Variants in VEGFC observed in about 807,000 individuals in gnomAD.
VEGFC encodes the protein vascular endothelial growth factor C.
In VEGFC, 12 loss-of-function variants were observed where a neutral mutation model predicts 46.1. That is an observed-to-expected ratio of 0.26 (90% CI 0.17 to 0.42). The LOEUF is 0.42. Ranked by LOEUF, VEGFC falls within the 10% of genes least tolerant of loss-of-function variation. The pLI is 1.00. For missense variants in VEGFC, 488 were observed against 529.4 expected (o/e 0.92, Z 0.77); for synonymous variants, 232 against 195.5 (o/e 1.19, Z -1.56).
At chr4:176,772,539 G>A (rs1344779396) in intron 1 of VEGFC, among the ~76,000 whole-genome samples, 3 of 152,332 alleles carry the variant, frequency 2.0e-5, no homozygotes, top group Non-Finnish European at 4.4e-5. Flanking sequence ...ATGACGCAAT[G>A]TCACAAATGT....
intron 1 of VEGFC, among the ~76,000 whole-genome samples, chr4:176,745,402 G>A (rs1408650610): frequency 6.6e-5 from 10 of 151,358 alleles, no homozygotes; most frequent in African/African-American, 9.7e-5. Flanking sequence ...ATTCAACAGC[G>A]CACACTGTGC....
chr4:176,778,215 T>A (rs985960197), intron 1 of VEGFC, among the ~76,000 whole-genome samples: 1 of 152,158 alleles, frequency 6.6e-6, no homozygotes, highest in Non-Finnish European at 1.5e-5. Context: ...ACAATACGAC[T>A]TCACTTGCTG....
chr4:176,775,265 T>G (rs1390463472), intron 1 of VEGFC, among the ~76,000 whole-genome samples: 1 of 152,136 alleles, frequency 6.6e-6, no homozygotes, highest in Non-Finnish European at 1.5e-5. Context: ...AAAAAAAAAG[T>G]AATGAAAGAG....
intron 3 of VEGFC, among the ~76,000 whole-genome samples, chr4:176,716,604 A>G (rs1324595812): frequency 6.7e-6 from 1 of 149,842 alleles, no homozygotes; most frequent in Non-Finnish European, 1.5e-5. Flanking sequence ...AAAAAAAAAA[A>G]AAGAAAAAGA....
intron 3 of VEGFC, among the ~76,000 whole-genome samples, chr4:176,714,296 C>T (rs996834712): frequency 6.6e-6 from 1 of 151,996 alleles, no homozygotes; most frequent in African/African-American, 2.4e-5. Context: ...AGTCTGAGAC[C>T]TCTCCCTTCC....
intron 1 of VEGFC, among the ~76,000 whole-genome samples, chr4:176,745,894 G>A (rs985538973): frequency 6.6e-6 from 1 of 152,044 alleles, no homozygotes; most frequent in African/African-American, 2.4e-5. Flanking sequence ...TTACTGAGAG[G>A]ACAGAGCCAG....
Position 176,703,120 on chromosome 4 carries a change from T to C in VEGFC, c.704+8379A>G, listed in dbSNP as rs547953397. 7.2e-5 allele frequency among the ~76,000 whole-genome samples: 11 copies of C among 152,222 alleles called. No homozygotes were observed. In the South Asian group the frequency reaches 2.3e-3, roughly 32 times the overall value. ...AGAGTGAAGAATGATGACTGGGGAT[T>C]TGGGTTGTATCTTTAGTAAATACAA... On this transcript the variant is annotated intron_variant, in intron 4 of 6. Coordinates refer to ENST00000618562, the MANE Select transcript of VEGFC (RefSeq NM_005429.5).
rs1736112986 is a variant in VEGFC at position 176,792,328 on chromosome 4, GT to G, written c.-18del. The stretch of plus-strand genomic sequence containing the variant: ...CAAGTGCATGGTGGAAGGACCGGGG[GT>G]GGGGGACCGGTCCGCTGGCGGGGGC... On this transcript the variant is annotated 5_prime_UTR_variant, in exon 1 of 7. Transcript: ENST00000618562. The surrounding 1 kb of genome is among the most constrained non-coding windows in gnomAD (Gnocchi z 6.3). 6.8e-7 allele frequency: 1 copy of G among 1,476,242 alleles called. No individual in the cohort carries two copies. The highest frequency in any genetic ancestry group is 9.0e-7 in the Non-Finnish European group (1 of 1,116,372). 91.4% of individuals were successfully genotyped at this position (1,476,242 alleles called of 1,614,324 possible). A position where few individuals can be genotyped will look rare whatever the true frequency, so the allele number is the denominator to read the frequency against.
intron 3 of VEGFC, among the ~76,000 whole-genome samples, chr4:176,724,390 G>A (rs1734839416): frequency 6.6e-6 from 1 of 152,174 alleles, no homozygotes; most frequent in South Asian, 2.1e-4. Flanking sequence ...GGGATAAGTA[G>A]TGAACGGATC....
chr4:176,741,163 G>A (rs931157749), intron 1 of VEGFC, among the ~76,000 whole-genome samples: 7 of 151,816 alleles, frequency 4.6e-5, no homozygotes, highest in East Asian at 3.9e-4. Context: ...TTAGTAGATC[G>A]GAAAGTTATA....
rs1411609906 is a variant in VEGFC, at chr4:176,740,442, A to ATG, written c.148-10697_148-10696insCA. Among the ~76,000 whole-genome samples, 66 of 10,112 alleles carry ATG rather than the reference A, an allele frequency of 6.5e-3. 2 individuals are homozygous for ATG. Among genetic ancestry groups the ATG allele is most frequent in the Admixed American group, 0.011 (5 of 440 alleles). The allele number at this position is 10,112 out of a possible 152,430, so 6.6% of individuals were successfully genotyped here. The stretch of plus-strand genomic sequence containing the variant: ...CTATATATAGTTATATATATATTCT[A>ATG]TATAGAGTATATAGAGTATATATAA... On this transcript the variant is annotated intron_variant, in intron 1 of 6. Transcript: ENST00000618562.
chr4:176,694,967 C>T lies in VEGFC; in HGVS notation c.705-7040G>A, dbSNP rs1264782633. Reference sequence around the variant, plus strand: ...ACACAACATACCAGAATCTCTGGGACGCATTCAAAGCAGTGTGTAGAGGGA... The same window carrying T: ...ACACAACATACCAGAATCTCTGGGATGCATTCAAAGCAGTGTGTAGAGGGA... On this transcript the variant is annotated intron_variant, in intron 4 of 6. Coordinates refer to ENST00000618562, the MANE Select transcript of VEGFC (RefSeq NM_005429.5). Among the ~76,000 whole-genome samples, 174 of 139,270 alleles carry T rather than the reference C, an allele frequency of 1.2e-3. 1 individual carries two copies. The highest frequency in any genetic ancestry group is 4.6e-3 in the African/African-American group (157 of 34,138). 91.4% of individuals were successfully genotyped at this position (139,270 alleles called of 152,430 possible). A position where few individuals can be genotyped will look rare whatever the true frequency, so the allele number is the denominator to read the frequency against.
chr4:176,685,275 A>C (rs1734018455), intron 6 of VEGFC, among the ~76,000 whole-genome samples: 1 of 152,244 alleles, frequency 6.6e-6, no homozygotes, highest in South Asian at 2.1e-4. Context: ...TCTACTAAAA[A>C]GGGATATGAT....
chr4:176,705,675 G>C (rs1734521785), intron 4 of VEGFC, among the ~76,000 whole-genome samples: 1 of 151,958 alleles, frequency 6.6e-6, no homozygotes, highest in African/African-American at 2.4e-5. Flanking sequence ...TATGTTTTAG[G>C]CACTGTGCTA....
chr4:176,750,044 GA>G (rs1468973014), intron 1 of VEGFC, among the ~76,000 whole-genome samples: 1 of 151,582 alleles, frequency 6.6e-6, no homozygotes, highest in Non-Finnish European at 1.5e-5. Context: ...TCAATTCATG[GA>G]AAATTTGAAA....
At chr4:176,784,694 A>C (rs967203834) in intron 1 of VEGFC, among the ~76,000 whole-genome samples, 1 of 135,324 alleles carries the variant, frequency 7.4e-6, no homozygotes, top group African/African-American at 2.6e-5. Context: ...CGGAGCTTGC[A>C]GTGAGCTGAG....
intron 1 of VEGFC, among the ~76,000 whole-genome samples, chr4:176,740,421 A>ATAGTTATATATATTC (rs1476753030): frequency 1.9e-5 from 1 of 51,508 alleles, no homozygotes; most frequent in African/African-American, 6.7e-5. Context: ...TATATTCTAT[A>ATAGTTATATATATTC]TATAGTTATA....
chr4:176,782,265 G>A (rs1395975028), intron 1 of VEGFC, among the ~76,000 whole-genome samples: 1 of 152,104 alleles, frequency 6.6e-6, no homozygotes, highest in Non-Finnish European at 1.5e-5. Context: ...GAGTTTGAGA[G>A]CAGCCTGGGC....
chr4:176,787,162 A>G (rs1294145088), intron 1 of VEGFC, among the ~76,000 whole-genome samples: 2 of 152,186 alleles, frequency 1.3e-5, no homozygotes, highest in African/African-American at 4.8e-5. Flanking sequence ...CAAATAATTT[A>G]AGAAAATTAG....
Sources: gnomAD v4.1 joint callset for allele counts (sites outside exome capture counted in the v4.1 genomes callset) on GRCh38, gnomAD v4.1.1 for gene constraint, Gnocchi (gnomAD v3.1) non-coding constraint, MANE v1.5 for transcripts, NCBI Gene and HGNC (gene_info 2026-07-23, HGNC 2026-07-21) for gene names.